The following MLC1 variants were observed in gnomAD, a reference collection of about 807,000 sequenced individuals.
MLC1 encodes membrane protein MLC1.
A neutral mutation model predicts 44.7 loss-of-function variants in MLC1; 32 were observed. The ratio of observed to expected loss-of-function variants is 0.72; its 90% CI spans 0.54 to 0.96. MLC1 has a LOEUF of 0.96. Ranked by LOEUF, MLC1 falls within the 40% of genes least tolerant of loss-of-function variation. The pLI is 0.00. For missense variants in MLC1, 459 were observed against 492.2 expected (o/e 0.93, Z 0.64); for synonymous variants, 190 against 213.0 (o/e 0.89, Z 0.94).
intron 7 of MLC1, among the ~76,000 whole-genome samples, chr22:50,075,249 G>A (rs572409781): frequency 1.3e-5 from 2 of 151,746 alleles, no homozygotes; most frequent in Non-Finnish European, 2.9e-5. Flanking sequence ...AGAAACACAC[G>A]CCCGAAAACC....
intron 10 of MLC1, among the ~76,000 whole-genome samples, chr22:50,066,375 T>C (rs2294390): frequency 0.13 from 18,497 of 145,226 alleles, 1,257 homozygotes; most frequent in South Asian, 0.24. Context: ...AAGCGAGGTA[T>C]ATGGCTGGGC....
intron 11 of MLC1, among the ~76,000 whole-genome samples, chr22:50,063,005 G>A (rs2061604260): frequency 1.3e-5 from 2 of 152,184 alleles, no homozygotes; most frequent in Admixed American, 1.3e-4. Flanking sequence ...GGTGGGCATT[G>A]CCTTCCCTGC....
At chr22:50,066,765 C>T (rs1165958683) in intron 10 of MLC1, among the ~76,000 whole-genome samples, 2 of 151,976 alleles carry the variant, frequency 1.3e-5, no homozygotes, top group Admixed American at 6.6e-5. Context: ...AGGAGCAGGT[C>T]AGTCAGGCAT....
chr22:50,067,951 GAAAAAAA>G (rs921871568), intron 10 of MLC1, among the ~76,000 whole-genome samples: 35 of 135,150 alleles, frequency 2.6e-4, no homozygotes, highest in African/African-American at 8.8e-4. Flanking sequence ...ACTTATACTG[GAAAAAAA>G]AAAACAAAAA....
Position 50,077,370 on chromosome 22 carries a change from C to T in MLC1, c.525+31G>A, listed in dbSNP as rs552826654. On this transcript the variant is annotated intron_variant, in intron 6 of 11. Transcript: ENST00000311597. ...ACCCTGGGGTGATGCCTCTGCACCCCCTGCCCTGCGGGGTCAGAAGCTGCA... is the reference window on the plus strand; with the variant it reads ...ACCCTGGGGTGATGCCTCTGCACCCTCTGCCCTGCGGGGTCAGAAGCTGCA... The T allele has an allele frequency of 1.4e-5, 23 of 1,595,734 alleles. No homozygotes were observed. The Middle Eastern group carries it at 6.7e-4, about 46-fold the overall frequency.
rs75992444 is a variant in MLC1, at chr22:50,082,157, C to T, written c.267+927G>A. On this transcript the variant is annotated intron_variant, in intron 3 of 11. Transcript: ENST00000311597. ...GGGGAGAGCTCGGGACCAGCTGAAG[C>T]AGGAGGGGCGTGGGGTCCGCGGCTT... Among the ~76,000 whole-genome samples the T allele has an allele frequency of 3.0e-3, 462 of 151,776 alleles. 15 individuals are homozygous for T. The East Asian group carries it at 0.072, about 24-fold the overall frequency.
Position 50,061,507 on chromosome 22 carries a change from C to G in MLC1, c.*76G>C. Reference sequence around the variant, plus strand: ...AAAAGAGGTGTTAGAAGCAGTAGCTCAGGGCGATTAGGGGTTGTGCGTTTC... The same window carrying G: ...AAAAGAGGTGTTAGAAGCAGTAGCTGAGGGCGATTAGGGGTTGTGCGTTTC... On this transcript the variant is annotated 3_prime_UTR_variant, in exon 12 of 12. Transcript: ENST00000311597. 3 of 1,459,690 alleles carry G rather than the reference C, an allele frequency of 2.1e-6. No individual in the cohort carries two copies. The highest frequency in any genetic ancestry group is 1.9e-6 in the Non-Finnish European group (2 of 1,045,612). The allele number at this position is 1,459,690 out of a possible 1,614,324, so 90.4% of individuals were successfully genotyped here. A position where few individuals can be genotyped will look rare whatever the true frequency, so the allele number is the denominator to read the frequency against.
intron 9 of MLC1, among the ~76,000 whole-genome samples, chr22:50,069,446 AC>A (rs934633517): frequency 7.9e-5 from 12 of 151,798 alleles, no homozygotes; most frequent in African/African-American, 2.7e-4. Context: ...CGAGTTCGAG[AC>A]CAGCCTGGCC....
At chr22:50,081,623 G>A (rs1005957767) in intron 3 of MLC1, among the ~76,000 whole-genome samples, 14 of 152,356 alleles carry the variant, frequency 9.2e-5, no homozygotes, top group Admixed American at 3.9e-4. Context: ...GCCCTGAGTC[G>A]GGGGTGCAGG....
chr22:50,077,282 T>C, intron 6 of MLC1, 119 bp downstream of exon 6: 4 of 923,494 alleles, frequency 4.3e-6, no homozygotes, highest in African/African-American at 1.6e-5. Context: ...AGGGGTCTCA[T>C]GGGAATGCCC....
chr22:50,084,445 C>G (rs746985170), intron 2 of MLC1, among the ~76,000 whole-genome samples: 1 of 152,212 alleles, frequency 6.6e-6, no homozygotes, highest in African/African-American at 2.4e-5. Flanking sequence ...CATGGAGACT[C>G]CTGGGGCCCA....
At chr22:50,081,204 G>T (rs113278444) in intron 3 of MLC1, among the ~76,000 whole-genome samples, 1 of 151,992 alleles carries the variant, frequency 6.6e-6, no homozygotes, top group Non-Finnish European at 1.5e-5. Flanking sequence ...TTAGCTGGGC[G>T]TGGTGGCGGG....
chr22:50,066,969 G>A (rs61256895), intron 10 of MLC1, among the ~76,000 whole-genome samples: 1 of 152,168 alleles, frequency 6.6e-6, no homozygotes, highest in Non-Finnish European at 1.5e-5. Context: ...GGCCGACTTC[G>A]ATGGCGTGTG....
At chr22:50,067,522 C>T (rs2061733646) in intron 10 of MLC1, among the ~76,000 whole-genome samples, 1 of 116,922 alleles carries the variant, frequency 8.6e-6, no homozygotes, top group Non-Finnish European at 1.8e-5. Flanking sequence ...ACTCCATCCC[C>T]CTGTCAGGCA....
intron 3 of MLC1, 83 bp from the exon 4 acceptor site, chr22:50,080,480 G>T: frequency 7.2e-7 from 1 of 1,389,740 alleles, no homozygotes; most frequent in Non-Finnish European, 1.0e-6. Context: ...TGCGCTTCCA[G>T]AAGGATCTGA....
chr22:50,061,251 A>C lies in MLC1; in HGVS notation c.*332T>G, dbSNP rs1203024587. The C allele has an allele frequency of 2.4e-6, 1 of 416,292 alleles. No homozygotes were observed. Among genetic ancestry groups the C allele is most frequent in the Non-Finnish European group, 4.5e-6 (1 of 220,926 alleles). The allele number at this position is 416,292 out of a possible 1,614,324, so 25.8% of individuals were successfully genotyped here. The stretch of plus-strand genomic sequence containing the variant: ...CTCCAGCCCAAGCCATGAGAGAGGC[A>C]GGAAGAGGAGCTGGGGCCAGTTCAG... On this transcript the variant is annotated 3_prime_UTR_variant, in exon 12 of 12. Coordinates refer to ENST00000311597, the MANE Select transcript of MLC1 (RefSeq NM_015166.4).
chr22:50,068,442 T>A lies in MLC1; in HGVS notation c.885A>T (p.Pro295=). 6.2e-7 allele frequency: 1 copy of A among 1,613,824 alleles called. No homozygotes were observed. The change falls in exon 10 of 12, where the codon CCA becomes CCT. Residue 295 remains proline (P), a synonymous_variant. Coordinates refer to ENST00000311597, the MANE Select transcript of MLC1 (RefSeq NM_015166.4). ...RIVEMFKDYP[P]AIKPSYDVLL... is the part of the protein sequence containing the mutation. ...ATAAAATACAACTCACTTTTATGGC[T>A]GGCGGGTAATCCTTAAACATCTCCA...
chr22:50,078,840 G>A (rs2062046335), intron 5 of MLC1, among the ~76,000 whole-genome samples: 1 of 151,948 alleles, frequency 6.6e-6, no homozygotes, highest in Non-Finnish European at 1.5e-5. Context: ...CTGTATTTCT[G>A]GTGCTTTGAC....
At position 50,084,975 on chromosome 22, in the gene MLC1, A is replaced by G. The variant is rs141840641; in HGVS notation, c.-59-14T>C. The stretch of plus-strand genomic sequence containing the variant: ...CCAGTTCTTTATCTGGAATAAAATT[A>G]TCATCGGCTTTGGCCACTCTGAGGA... On this transcript the variant is annotated splice_polypyrimidine_tract_variant and intron_variant, in intron 1 of 11. Coordinates refer to ENST00000311597, the MANE Select transcript of MLC1 (RefSeq NM_015166.4). 1 of 1,586,806 alleles carries G rather than the reference A, an allele frequency of 6.3e-7. No individual in the cohort carries two copies. The highest frequency in any genetic ancestry group is 1.1e-5 in the South Asian group (1 of 89,446).
Sources: gnomAD v4.1 joint callset for allele counts (sites outside exome capture counted in the v4.1 genomes callset) on GRCh38, gnomAD v4.1.1 for gene constraint, MANE v1.5 for transcripts, NCBI Gene and HGNC (gene_info 2026-07-23, HGNC 2026-07-21) for gene names.